The following USP33 variants were observed in gnomAD, a reference collection of about 807,000 sequenced individuals.
USP33 encodes ubiquitin specific peptidase 33, also known as ubiquitin carboxyl-terminal hydrolase 33.
USP33 carries 46 observed loss-of-function variants against 124.2 expected under a neutral mutation model. That is an observed-to-expected ratio of 0.37 (90% confidence interval 0.29 to 0.47). USP33 has a LOEUF of 0.47. USP33 is among the 20% of genes least tolerant of loss of function. The pLI is 0.99. For missense variants in USP33, 851 were observed against 1,070.6 expected, an observed-to-expected ratio of 0.79 and a Z score of 2.86; for synonymous variants, 350 against 352.3, an observed-to-expected ratio of 0.99 and a Z score of 0.07.
At chr1:77,702,446 T>C (rs1674149961) in intron 21 of USP33, among the ~76,000 whole-genome samples, 2 of 152,214 alleles carry the variant, frequency 1.3e-5, no homozygotes, top group Non-Finnish European at 2.9e-5. Flanking sequence ...GACAACTTGC[T>C]ATTACCATGC....
Position 77,721,345 on chromosome 1 carries a change from A to C in USP33, c.1658-140T>G, listed in dbSNP as rs556962904. On this transcript the variant is annotated intron_variant, in intron 14 of 23. Transcript: ENST00000370794. ...TCCATTTTTTTAATCTATGCTCATG[A>C]ATCAGGTTACTGTTTACCTTCCCCT... 1.2e-5 allele frequency: 10 copies of C among 818,320 alleles called. No individual in the cohort carries two copies. The East Asian group carries it at 2.6e-4, about 22-fold the overall frequency. The allele number at this position is 818,320 out of a possible 1,614,324, so 50.7% of individuals were successfully genotyped here.
intron 6 of USP33, 67 bp downstream of exon 6, chr1:77,735,989 A>G: frequency 8.5e-7 from 1 of 1,172,850 alleles, no homozygotes; most frequent in East Asian, 2.6e-5. Flanking sequence ...TGAAACTTTT[A>G]CATTATATGG....
intron 1 of USP33, among the ~76,000 whole-genome samples, chr1:77,746,996 T>C (rs544242881): frequency 1.6e-4 from 25 of 152,330 alleles, no homozygotes; most frequent in Non-Finnish European, 2.9e-4. Flanking sequence ...ATTTGTTCTT[T>C]TATTAATTGC....
intron 12 of USP33, among the ~76,000 whole-genome samples, chr1:77,723,078 A>T (rs190078319): frequency 1.3e-5 from 2 of 152,182 alleles, no homozygotes; most frequent in Non-Finnish European, 2.9e-5. Context: ...TCACCTTTAT[A>T]TGTAACCAAA....
chr1:77,753,438 A>AT (rs1387907607), intron 1 of USP33, among the ~76,000 whole-genome samples: 1 of 152,148 alleles, frequency 6.6e-6, no homozygotes, highest in Non-Finnish European at 1.5e-5. Context: ...TACAAAAAAA[A>AT]AATAATAATT....
At chr1:77,749,451 G>T (rs1680077576) in intron 1 of USP33, among the ~76,000 whole-genome samples, 1 of 150,946 alleles carries the variant, frequency 6.6e-6, no homozygotes, top group Non-Finnish European at 1.5e-5. Flanking sequence ...GTACAATCTT[G>T]GCTCACTGCA....
chr1:77,722,321 A>G (rs1230207279), intron 12 of USP33, 125 bp from the exon 13 acceptor site: 1 of 977,752 alleles, frequency 1.0e-6, no homozygotes. Flanking sequence ...AAACAAAAAA[A>G]AACACGCAAA....
chr1:77,749,359 G>T (rs1437545808), intron 1 of USP33, among the ~76,000 whole-genome samples: 1 of 151,086 alleles, frequency 6.6e-6, no homozygotes, highest in African/African-American at 2.4e-5. Context: ...GCCTTTGGTT[G>T]TATTTTTTTA....
At chr1:77,708,304 AG>A (rs1674856109) in intron 21 of USP33, among the ~76,000 whole-genome samples, 1 of 152,258 alleles carries the variant, frequency 6.6e-6, no homozygotes, top group African/African-American at 2.4e-5. Flanking sequence ...TATAAGAGAA[AG>A]AAAAATGATT....
At chr1:77,742,372 C>T (rs1679223828) in intron 1 of USP33, among the ~76,000 whole-genome samples, 1 of 152,186 alleles carries the variant, frequency 6.6e-6, no homozygotes, top group African/African-American at 2.4e-5. Flanking sequence ...ATTCCCACTT[C>T]TATCCACAAG....
At chr1:77,722,313 AC>A in intron 12 of USP33, 117 bp from the exon 13 acceptor site, 2 of 1,031,126 alleles carry the variant, frequency 1.9e-6, no homozygotes, top group Non-Finnish European at 1.4e-6. Flanking sequence ...AAAACAAAAA[AC>A]AAAAAAAAAC....
chr1:77,723,405 T>C lies in USP33; in HGVS notation c.1315A>G (p.Lys439Glu). ...ATGTCTGAAATAACACTTCTGTATT[T>C]CTTGTGCTGTTTTTTTCTCTTTGGA... ...ASPKRKKQHK[K>E]YRSVISDIFD... The change falls in exon 12 of 24, where the codon AAA (lysine) becomes GAA (glutamate). Residue 439 changes from lysine to glutamate, a missense_variant. This residue lies in a region of USP33 where 281 missense variants were observed against 425.0 expected (regional missense o/e 0.66). Coordinates refer to ENST00000370794, the MANE Select transcript of USP33 (RefSeq NM_201624.3). 6.2e-7 allele frequency: 1 copy of C among 1,613,298 alleles called. No homozygotes were observed. The highest frequency in any genetic ancestry group is 1.3e-5 in the African/African-American group (1 of 75,046).
At chr1:77,737,838 T>A (rs1237387283) in intron 5 of USP33, among the ~76,000 whole-genome samples, 4 of 152,222 alleles carry the variant, frequency 2.6e-5, no homozygotes, top group Admixed American at 2.0e-4. Flanking sequence ...CTGATAGTTT[T>A]GCCTTTATAT....
chr1:77,742,366 C>G (rs1171825623), intron 1 of USP33, among the ~76,000 whole-genome samples: 1 of 152,146 alleles, frequency 6.6e-6, no homozygotes, highest in Non-Finnish European at 1.5e-5. Flanking sequence ...GGCAACATTC[C>G]CACTTCTATC....
At chr1:77,700,448 A>T (rs1049067715) in intron 22 of USP33, among the ~76,000 whole-genome samples, 8 of 152,246 alleles carry the variant, frequency 5.3e-5, no homozygotes, top group African/African-American at 1.9e-4. Flanking sequence ...ATTGTAAAAA[A>T]TAATTTTTAA....
intron 1 of USP33, chr1:77,745,552 G>T (rs1040083173): frequency 5.3e-5 from 8 of 152,194 alleles, no homozygotes; most frequent in African/African-American, 1.7e-4. Context: ...TTTTGCAGTG[G>T]CTGGTACCGG....
chr1:77,739,276 T>C lies in USP33; in HGVS notation c.340A>G (p.Asn114Asp), dbSNP rs146829999. The change falls in exon 5 of 24, where the codon AAC becomes GAC. Residue 114 changes from asparagine (N) to aspartate (D), a missense_variant. Coordinates refer to ENST00000370794, the MANE Select transcript of USP33 (RefSeq NM_201624.3). The stretch of plus-strand genomic sequence containing the variant: ...ATCTAGATTATTACCTGGACACTGT[T>C]TTCTTGTATTTGGTGAGGTTGTCTT... ...HVRQPHQIQE[N>D]SVQDFKIPSN... is the part of the protein sequence containing the mutation. 2.4e-5 allele frequency: 39 copies of C among 1,612,310 alleles called. No homozygotes were observed. The highest frequency in any genetic ancestry group is 1.7e-4 in the Admixed American group (10 of 59,598).
chr1:77,752,000 T>C (rs1317432983), intron 1 of USP33, among the ~76,000 whole-genome samples: 1 of 151,906 alleles, frequency 6.6e-6, no homozygotes, highest in Non-Finnish European at 1.5e-5. Flanking sequence ...AAGATATTAC[T>C]TTTAAGGGGA....
intron 1 of USP33, among the ~76,000 whole-genome samples, chr1:77,756,546 G>C (rs906413364): frequency 2.6e-5 from 4 of 152,090 alleles, no homozygotes; most frequent in African/African-American, 4.8e-5. Flanking sequence ...AGTGTACCTG[G>C]GAAGTTCTGG....
Sources: allele counts gnomAD v4.1 joint callset (sites outside exome capture counted in the v4.1 genomes callset), GRCh38; gene constraint gnomAD v4.1.1; regional missense constraint gnomAD v4.1.1; transcripts MANE v1.5; gene names NCBI Gene and HGNC (gene_info 2026-07-23, HGNC 2026-07-21).